ACOX3: variants seen among roughly 807,000 people sequenced by gnomAD.
The protein encoded by ACOX3 is acyl-CoA oxidase 3, pristanoyl.
ACOX3 carries 73 observed loss-of-function variants against 81.5 expected under a neutral mutation model. That is an observed-to-expected ratio of 0.90 (90% CI 0.74 to 1.09). The LOEUF (loss-of-function observed/expected upper bound fraction) is 1.09. ACOX3 is among the 50% of genes least tolerant of loss of function. The pLI is 0.00. For missense variants in ACOX3, 947 were observed against 928.0 expected, an observed-to-expected ratio of 1.02 and a Z score of -0.27; for synonymous variants, 387 against 375.1, an observed-to-expected ratio of 1.03 and a Z score of -0.37.
rs1466607597 is a variant in ACOX3, at chr4:8,373,506, C to G, written c.1896+55G>C. The G allele has an allele frequency of 2.5e-6, 4 of 1,583,906 alleles. No homozygotes were observed. In the African/African-American group the frequency reaches 4.2e-5, roughly 17 times the overall value. Reference sequence around the variant, plus strand: ...GGTGATGCTAAGGGGATGCGTGTCGCTCTGGGCGGTTGTGTAACATGGATG... The same window carrying G: ...GGTGATGCTAAGGGGATGCGTGTCGGTCTGGGCGGTTGTGTAACATGGATG... On this transcript the variant is annotated intron_variant, in intron 16 of 17. Coordinates refer to ENST00000356406, the MANE Select transcript of ACOX3 (RefSeq NM_003501.3).
rs541210859 is a variant in ACOX3, at chr4:8,399,537, C to T, written c.873+19G>A. 1.9e-5 allele frequency: 31 copies of T among 1,595,828 alleles called. No homozygotes were observed. Among genetic ancestry groups the T allele is most frequent in the South Asian group, 5.5e-5 (5 of 90,596 alleles). ...GCACCTGGGAAGCACGGCACACGAA[C>T]GGCCCCCCATGCCTGTACCTTAAAG... On this transcript the variant is annotated intron_variant, in intron 8 of 17. Coordinates refer to ENST00000356406, the MANE Select transcript of ACOX3 (RefSeq NM_003501.3). The surrounding 1 kb of genome is among the most constrained non-coding windows in gnomAD (Gnocchi z 4.9).
At chr4:8,373,809 G>A (rs575657498) in intron 15 of ACOX3, 181 bp from the exon 16 acceptor site, 33 of 619,766 alleles carry the variant, frequency 5.3e-5, no homozygotes, top group Middle Eastern at 4.0e-4. Context: ...CTCAGGGGCC[G>A]AGTTCTGAGA....
At position 8,370,354 on chromosome 4, in the gene ACOX3, C is replaced by A. The variant is rs981148551; in HGVS notation, c.1983+554G>T. Among the ~76,000 whole-genome samples, 2 of 151,962 alleles carry A rather than the reference C, an allele frequency of 1.3e-5. 1 individual carries two copies. The highest frequency in any genetic ancestry group is 4.1e-4 in the South Asian group (2 of 4,828). On this transcript the variant is annotated intron_variant, in intron 17 of 17. Coordinates refer to ENST00000356406, the MANE Select transcript of ACOX3 (RefSeq NM_003501.3). This position sits in a 1 kb window ranked among gnomAD's most constrained non-coding sequence, Gnocchi z 6.3. The stretch of plus-strand genomic sequence containing the variant: ...GGTGGAGGCTCCCTCAGGGGGGCGG[C>A]CTGACCCCATCTGCTATGAAGGAAT...
chr4:8,361,358 G>A (rs56400914), downstream of ACOX3, among the ~76,000 whole-genome samples: 12,345 of 147,106 alleles, frequency 0.084, 1,210 homozygotes, highest in African/African-American at 0.24. Flanking sequence ...CCCAGGAGGC[G>A]GAGCTCGCAG....
the ACOX3 span, chr4:8,355,718 T>G: frequency 6.6e-6 from 1 of 152,072 alleles, no homozygotes; most frequent in Admixed American, 6.5e-5. Flanking sequence ...GCAGGTTACA[T>G]CAAAAAGGAA....
At chr4:8,369,532 C>G (rs1421304467) in intron 17 of ACOX3, among the ~76,000 whole-genome samples, 1 of 152,170 alleles carries the variant, frequency 6.6e-6, no homozygotes, top group African/African-American at 2.4e-5. Flanking sequence ...GGACAGCAGG[C>G]CCTCTGCAGA....
chr4:8,365,032 C>T (rs1388697430), downstream of ACOX3, among the ~76,000 whole-genome samples: 2 of 152,136 alleles, frequency 1.3e-5, no homozygotes, highest in East Asian at 3.9e-4. Context: ...GTAAAGGAGC[C>T]GTCCACACAC....
intron 6 of ACOX3, among the ~76,000 whole-genome samples, chr4:8,409,194 T>A (rs1344471990): frequency 6.6e-6 from 1 of 152,244 alleles, no homozygotes; most frequent in Non-Finnish European, 1.5e-5. Flanking sequence ...AACGTAAAAC[T>A]GGACTTCATC....
At chr4:8,374,811 A>G (rs1021115705) in intron 15 of ACOX3, 167 bp downstream of exon 15, 41 of 741,380 alleles carry the variant, frequency 5.5e-5, no homozygotes, top group Non-Finnish European at 1.2e-5. Context: ...GCTCTGCCCC[A>G]TATGCTTCTC....
At chr4:8,372,456 G>A (rs10023885) in intron 16 of ACOX3, among the ~76,000 whole-genome samples, 4,964 of 152,138 alleles carry the variant, frequency 0.033, 270 homozygotes, top group African/African-American at 0.11. Context: ...GGAGACCCCC[G>A]TGCTTTCCTT....
chr4:8,372,511 C>G (rs1716342465), intron 16 of ACOX3, among the ~76,000 whole-genome samples: 1 of 152,188 alleles, frequency 6.6e-6, no homozygotes, highest in East Asian at 1.9e-4. Flanking sequence ...TCAACACTGC[C>G]CCAAGGGGGT....
At chr4:8,358,497 T>C in the ACOX3 span, among the ~76,000 whole-genome samples, 1 of 152,096 alleles carries the variant, frequency 6.6e-6, no homozygotes, top group Non-Finnish European at 1.5e-5. Flanking sequence ...CCATCTTGAA[T>C]ATGAGCTGGG....
At chr4:8,372,038 C>T (rs139233605) in intron 16 of ACOX3, among the ~76,000 whole-genome samples, 28 of 152,312 alleles carry the variant, frequency 1.8e-4, no homozygotes, top group African/African-American at 5.3e-4. Context: ...TGGATGGGCA[C>T]ACACAGAGTG....
chr4:8,364,227 T>C (rs1447174624), downstream of ACOX3, among the ~76,000 whole-genome samples: 5 of 152,312 alleles, frequency 3.3e-5, no homozygotes, highest in Non-Finnish European at 7.3e-5. This position sits in a 1 kb window ranked among gnomAD's most constrained non-coding sequence, Gnocchi z 5.0. Flanking sequence ...CCCCTTAAAA[T>C]GTATAAAATC....
rs1217012916 is a variant in ACOX3 at position 8,437,032 on chromosome 4, A to T, written c.-15+3616T>A. On this transcript the variant is annotated intron_variant, in intron 1 of 17. Coordinates refer to ENST00000356406, the MANE Select transcript of ACOX3 (RefSeq NM_003501.3). The surrounding 1 kb of genome is among the most constrained non-coding windows in gnomAD (Gnocchi z 5.2). ...ATCAGCATATATATATATTCGAAAA[A>T]ATATATATAAATATATATATACAAA... Among the ~76,000 whole-genome samples the T allele has an allele frequency of 2.3e-4, 34 of 146,516 alleles. No individual in the cohort carries two copies. Among genetic ancestry groups the T allele is most frequent in the African/African-American group, 7.9e-4 (32 of 40,404 alleles).
chr4:8,368,240 C>T lies in ACOX3; in HGVS notation c.1984-1160G>A, dbSNP rs574724294. On this transcript the variant is annotated intron_variant, in intron 17 of 17. Transcript: ENST00000356406. This position sits in a 1 kb window ranked among gnomAD's most constrained non-coding sequence, Gnocchi z 5.9. The stretch of plus-strand genomic sequence containing the variant: ...CTCCTCTGGTCCTGCCCCGGGCCAG[C>T]ACTCCCCTACGGGAGGTGCAGACTT... Among the ~76,000 whole-genome samples, 1 of 152,352 alleles carries T rather than the reference C, an allele frequency of 6.6e-6. No homozygotes were observed. The highest frequency in any genetic ancestry group is 2.4e-5 in the African/African-American group (1 of 41,586).
intron 1 of ACOX3, among the ~76,000 whole-genome samples, chr4:8,428,077 TCTC>T (rs2109032744): frequency 6.6e-6 from 1 of 152,354 alleles, no homozygotes; most frequent in African/African-American, 2.4e-5. Context: ...CCTCCAGTCT[TCTC>T]TGCGATGTGA....
rs866456594 is a variant in ACOX3, at chr4:8,407,525, G to C, written c.688-1482C>G. Among the ~76,000 whole-genome samples, 13 of 152,342 alleles carry C rather than the reference G, an allele frequency of 8.5e-5. No individual in the cohort carries two copies. In the Middle Eastern group the frequency reaches 0.031, roughly 359 times the overall value. ...CAGACCCCGGCCTCCAGAGTTGGGA[G>C]AATACGTTATGCTGTTTCGAGCGCC... On this transcript the variant is annotated intron_variant, in intron 6 of 17. Transcript: ENST00000356406. The surrounding 1 kb of genome is among the most constrained non-coding windows in gnomAD (Gnocchi z 4.6).
At chr4:8,380,761 C>T (rs1233365092) in intron 14 of ACOX3, among the ~76,000 whole-genome samples, 1 of 152,218 alleles carries the variant, frequency 6.6e-6, no homozygotes, top group African/African-American at 2.4e-5. Context: ...TCCACGGCCT[C>T]CCTGCACAAC....
Sources: allele counts gnomAD v4.1 joint callset (sites outside exome capture counted in the v4.1 genomes callset), GRCh38; gene constraint gnomAD v4.1.1; non-coding constraint Gnocchi (gnomAD v3.1); transcripts MANE v1.5; gene names NCBI Gene and HGNC (gene_info 2026-07-23, HGNC 2026-07-21).